PC: variants seen among roughly 807,000 people sequenced by gnomAD.
PC encodes the protein pyruvate carboxylase, also known as pyruvate carboxylase, mitochondrial.
In PC, 46 loss-of-function variants were observed where a neutral mutation model predicts 107.8. The ratio of observed to expected loss-of-function variants is 0.43; its 90% CI spans 0.34 to 0.55. PC has a LOEUF of 0.55. Ranked by LOEUF, PC falls within the 20% of genes least tolerant of loss-of-function variation. The probability of loss-of-function intolerance (pLI) is 0.04; values close to 1 mark genes in which losing one functional copy is unlikely to be tolerated. For synonymous variants in PC, 662 were observed against 684.7 expected (o/e 0.97, Z 0.52); for missense variants, 1,241 against 1,643.1 (o/e 0.76, Z 4.23).
intron 3 of PC, among the ~76,000 whole-genome samples, chr11:66,884,994 C>A (rs1234660708): frequency 3.9e-5 from 6 of 152,218 alleles, no homozygotes; most frequent in Admixed American, 3.9e-4. Flanking sequence ...ACAGGACCTG[C>A]TCCCCACTCA....
At chr11:66,946,030 G>A (rs542527145) in intron 3 of PC, among the ~76,000 whole-genome samples, 51 of 148,220 alleles carry the variant, frequency 3.4e-4, no homozygotes, top group African/African-American at 1.1e-3. Context: ...AGCTTGCAGT[G>A]AGCCAAGATT....
Position 66,857,164 on chromosome 11 carries a change from T to C in PC, c.1369-3781A>G, listed in dbSNP as rs1945906806. 6.8e-6 allele frequency: 1 copy of C among 147,590 alleles called. No homozygotes were observed. Among genetic ancestry groups the C allele is most frequent in the Non-Finnish European group, 1.5e-5 (1 of 66,392 alleles). The allele number at this position is 147,590 out of a possible 1,614,324, so 9.1% of individuals were successfully genotyped here. On this transcript the variant is annotated intron_variant, in intron 12 of 22. Transcript: ENST00000393960. The surrounding 1 kb of genome is among the most constrained non-coding windows in gnomAD (Gnocchi z 7.1). ...GCCGGGGCCGCGGGCCCGAGCGCCATGGGCCCGAGGGTGGGCGGCGGGCGG... is the reference window on the plus strand; with the variant it reads ...GCCGGGGCCGCGGGCCCGAGCGCCACGGGCCCGAGGGTGGGCGGCGGGCGG...
chr11:66,913,436 G>A (rs1029935453), intron 3 of PC, among the ~76,000 whole-genome samples: 1 of 151,928 alleles, frequency 6.6e-6, no homozygotes, highest in Non-Finnish European at 1.5e-5. Context: ...TGTAATCCCA[G>A]CACTTTGGGA....
intron 3 of PC, among the ~76,000 whole-genome samples, chr11:66,902,083 C>A (rs774273430): frequency 1.8e-4 from 28 of 152,172 alleles, no homozygotes; most frequent in Non-Finnish European, 3.2e-4. Context: ...GTAAAGAAAT[C>A]CAATGGGAAA....
Position 66,850,932 on chromosome 11 carries a change from A to C in PC, c.2224-9T>G, listed in dbSNP as rs45560936. ...AGCAGCCCGGCCATGTCCTGGGGGA[A>C]GTGGGAGAGAGAGAGAGAGAGATGG... On this transcript the variant is annotated splice_polypyrimidine_tract_variant and intron_variant, in intron 17 of 22. Coordinates refer to ENST00000393960, the MANE Select transcript of PC (RefSeq NM_001040716.2). 76,732 of 1,607,666 alleles carry C rather than the reference A, an allele frequency of 0.048. 2,092 individuals are homozygous for C. The highest frequency in any genetic ancestry group is 0.08 in the Middle Eastern group (484 of 6,050).
chr11:66,891,274 G>A (rs1193010537), intron 3 of PC, among the ~76,000 whole-genome samples: 3 of 151,832 alleles, frequency 2.0e-5, no homozygotes, highest in East Asian at 3.9e-4. Context: ...TGGCCAGGCT[G>A]GTCTTTACCT....
chr11:66,941,515 A>G (rs149528003), intron 3 of PC, among the ~76,000 whole-genome samples: 5,813 of 152,056 alleles, frequency 0.038, 357 homozygotes, highest in African/African-American at 0.13. Flanking sequence ...TTTTTGAGGC[A>G]GAGTCTTGCT....
At position 66,849,641 on chromosome 11, in the gene PC, C is replaced by A. The variant is rs759899977; in HGVS notation, c.3117G>T (p.Leu1039=). 2.5e-6 allele frequency: 4 copies of A among 1,614,206 alleles called. No individual in the cohort carries two copies. The Admixed American group carries it at 5.0e-5, about 20-fold the overall frequency. ...PLDSLNTRLF[L]QGPKIAEEFE... ...ACTCCTCTGCGATCTTGGGTCCCTG[C>A]AGGAAGAGGCGAGTATTCAGGCTAT... The change falls in exon 21 of 23, where the codon CTG becomes CTT. Residue 1039 remains leucine, a synonymous_variant. Transcript: ENST00000393960.
rs1244190256 is a variant in PC at position 66,866,426 on chromosome 11, C to G, written c.1023-77G>C. The G allele has an allele frequency of 9.1e-7, 1 of 1,095,950 alleles. No individual in the cohort carries two copies. The highest frequency in any genetic ancestry group is 1.3e-6 in the Non-Finnish European group (1 of 742,272). The allele number at this position is 1,095,950 out of a possible 1,614,324, so 67.9% of individuals were successfully genotyped here. On this transcript the variant is annotated intron_variant, in intron 10 of 22. Transcript: ENST00000393960. This position sits in a 1 kb window ranked among gnomAD's most constrained non-coding sequence, Gnocchi z 5.4. ...GAGGCGGGGGATAGACGAGGGGCAC[C>G]GCAGCCAGTGGGGCGTCCACACACA...
chr11:66,869,114 AC>A, intron 9 of PC, 150 bp from the exon 10 acceptor site: 1 of 643,796 alleles, frequency 1.6e-6, no homozygotes, highest in Non-Finnish European at 2.8e-6. Context: ...TGGCAGACAG[AC>A]CCCAGGGCCC....
At chr11:66,856,041 CTGGGCAGACCACTGGTGG>C (rs1176935128) in intron 12 of PC, among the ~76,000 whole-genome samples, 58 of 152,284 alleles carry the variant, frequency 3.8e-4, no homozygotes, top group Middle Eastern at 3.4e-3. Context: ...TGTTTCCCAA[CTGGGCAGACCACTGGTGG>C]TGGCGGGCAC....
At position 66,850,869 on chromosome 11, in the gene PC, G is replaced by A. The variant is rs563526275; in HGVS notation, c.2278C>T (p.Arg760Trp). The change falls in exon 18 of 23, where the codon CGG (arginine) becomes TGG (tryptophan). Residue 760 changes from arginine (R) to tryptophan (W), a missense_variant. Physicochemically the swap from Arg to Trp is moderately radical, Grantham distance 101. Transcript: ENST00000393960. ...TACTMLVSSLRDRFPDLPLHI... is the reference protein window; with the variant it reads ...TACTMLVSSLWDRFPDLPLHI... Reference sequence around the variant, plus strand: ...AGTGGGAGGTCGGGGAAGCGGTCCCGGAGGGAGCTGACCAGCATGGTGCAG... The same window carrying A: ...AGTGGGAGGTCGGGGAAGCGGTCCCAGAGGGAGCTGACCAGCATGGTGCAG... 1.2e-6 allele frequency: 2 copies of A among 1,611,380 alleles called. No individual in the cohort carries two copies. The highest frequency in any genetic ancestry group is 1.1e-5 in the South Asian group (1 of 91,076).
chr11:66,879,871 G>A (rs1403480181), intron 3 of PC, among the ~76,000 whole-genome samples: 2 of 152,188 alleles, frequency 1.3e-5, no homozygotes, highest in Non-Finnish European at 2.9e-5. Flanking sequence ...GGAAATGTTG[G>A]CCAGCAGGCA....
chr11:66,852,068 T>C lies in PC; in HGVS notation c.1826-122A>G. On this transcript the variant is annotated intron_variant, in intron 15 of 22. Coordinates refer to ENST00000393960, the MANE Select transcript of PC (RefSeq NM_001040716.2). This position sits in a 1 kb window ranked among gnomAD's most constrained non-coding sequence, Gnocchi z 4.7. ...TACCAGGTCCTGCTCATCTTCGCCA[T>C]ACCTGTGTTCCCTGCTCCAACCCCC... The C allele has an allele frequency of 2.0e-6, 2 of 1,017,100 alleles. No individual in the cohort carries two copies. Among genetic ancestry groups the C allele is most frequent in the Admixed American group, 4.1e-5 (2 of 49,336 alleles). 63.0% of individuals were successfully genotyped at this position (1,017,100 alleles called of 1,614,324 possible).
At position 66,848,687 on chromosome 11, in the gene PC, G is replaced by A; in HGVS notation, c.*212C>T. On this transcript the variant is annotated 3_prime_UTR_variant, in exon 23 of 23. Coordinates refer to ENST00000393960, the MANE Select transcript of PC (RefSeq NM_001040716.2). ...TGAGGAGGGGACCCTTATTTGGCAA[G>A]AGATGAACATGTAAGCAGCTGTCCG... 1 of 648,078 alleles carries A rather than the reference G, an allele frequency of 1.5e-6. No homozygotes were observed. Among genetic ancestry groups the A allele is most frequent in the Admixed American group, 2.5e-5 (1 of 39,302 alleles). The allele number at this position is 648,078 out of a possible 1,614,324, so 40.1% of individuals were successfully genotyped here. A position where few individuals can be genotyped will look rare whatever the true frequency, so the allele number is the denominator to read the frequency against.
rs1306490483 is a variant in PC, at chr11:66,866,705, C to T, written c.1023-356G>A. 6.6e-6 allele frequency among the ~76,000 whole-genome samples: 1 copy of T among 152,208 alleles called. No homozygotes were observed. The highest frequency in any genetic ancestry group is 6.5e-5 in the Admixed American group (1 of 15,282). ...TCCTTGAGGTCTGTTTTCCCCACTC[C>T]CCTAAACTCCCCCTTGGTAAAGCCT... On this transcript the variant is annotated intron_variant, in intron 10 of 22. Transcript: ENST00000393960. The surrounding 1 kb of genome is among the most constrained non-coding windows in gnomAD (Gnocchi z 5.4).
chr11:66,906,710 G>A (rs1359199527), intron 3 of PC, among the ~76,000 whole-genome samples: 2 of 152,022 alleles, frequency 1.3e-5, no homozygotes, highest in African/African-American at 2.4e-5. Flanking sequence ...CCATGACCTG[G>A]CAGGGAGCCT....
chr11:66,851,646 A>G, intron 16 of PC, 144 bp downstream of exon 16: 1 of 887,536 alleles, frequency 1.1e-6, no homozygotes, highest in East Asian at 2.6e-5. Flanking sequence ...ACTTCTCGAT[A>G]TTTCCAAACA....
chr11:66,848,792 A>T lies in PC; in HGVS notation c.*107T>A. On this transcript the variant is annotated 3_prime_UTR_variant, in exon 23 of 23. Transcript: ENST00000393960. ...CTGTCCAGCTGTGGACAGGACCTCCACGGCCCGGCCTTCCTGGCCTCGGGC... is the reference window on the plus strand; with the variant it reads ...CTGTCCAGCTGTGGACAGGACCTCCTCGGCCCGGCCTTCCTGGCCTCGGGC... The T allele has an allele frequency of 1.4e-6, 2 of 1,448,310 alleles. No individual in the cohort carries two copies. Among genetic ancestry groups the T allele is most frequent in the Non-Finnish European group, 1.9e-6 (2 of 1,040,666 alleles). The allele number at this position is 1,448,310 out of a possible 1,614,324, so 89.7% of individuals were successfully genotyped here.
Sources: gnomAD v4.1 joint callset for allele counts (sites outside exome capture counted in the v4.1 genomes callset) on GRCh38, gnomAD v4.1.1 for gene constraint, Gnocchi (gnomAD v3.1) non-coding constraint, MANE v1.5 for transcripts, NCBI Gene and HGNC (gene_info 2026-07-23, HGNC 2026-07-21) for gene names.